MLLT10: variants seen among roughly 807,000 people sequenced by gnomAD.
MLLT10 encodes the protein protein AF-10.
A neutral mutation model predicts 129.1 loss-of-function variants in MLLT10; 30 were observed. That is an observed-to-expected ratio of 0.23 (90% CI 0.17 to 0.32). The LOEUF is 0.32. Ranked by LOEUF, MLLT10 falls within the 10% of genes least tolerant of loss-of-function variation. MLLT10 has a pLI of 1.00. For synonymous variants in MLLT10, 490 were observed against 446.4 expected (o/e 1.10, Z -1.23); for missense variants, 1,119 against 1,268.3 (o/e 0.88, Z 1.79).
At chr10:21,582,049 T>C (rs1026711457) in intron 3 of MLLT10, among the ~76,000 whole-genome samples, 2 of 152,226 alleles carry the variant, frequency 1.3e-5, no homozygotes, top group Non-Finnish European at 2.9e-5. Flanking sequence ...TGGTTGTTGT[T>C]ATGCAGACTG....
intron 13 of MLLT10, among the ~76,000 whole-genome samples, chr10:21,704,744 T>C (rs548558326): frequency 2.0e-5 from 3 of 152,234 alleles, no homozygotes; most frequent in Admixed American, 2.0e-4. Context: ...GATATATCTA[T>C]GGTGTTGCTT....
intron 9 of MLLT10, among the ~76,000 whole-genome samples, chr10:21,666,999 T>G (rs1229076572): frequency 6.6e-6 from 1 of 152,190 alleles, no homozygotes; most frequent in Admixed American, 6.5e-5. Flanking sequence ...TAGCATTTAT[T>G]GTAGTGTTGG....
intron 3 of MLLT10, among the ~76,000 whole-genome samples, chr10:21,555,602 T>C (rs1291189156): frequency 2.0e-5 from 3 of 152,196 alleles, no homozygotes; most frequent in African/African-American, 7.2e-5. Flanking sequence ...TTGTACTGTT[T>C]TGGCCTGTCT....
At chr10:21,695,963 T>C (rs2054321163) in intron 13 of MLLT10, among the ~76,000 whole-genome samples, 1 of 150,836 alleles carries the variant, frequency 6.6e-6, no homozygotes, top group African/African-American at 2.4e-5. Context: ...TTTTTTTTTT[T>C]TTTTTTAAGT....
intron 11 of MLLT10, 114 bp from the exon 12 acceptor site, chr10:21,681,218 T>G: frequency 7.4e-7 from 1 of 1,347,532 alleles, no homozygotes; most frequent in Non-Finnish European, 1.0e-6. Flanking sequence ...CTAGGTGGCC[T>G]ACTTAACTAC....
intron 13 of MLLT10, among the ~76,000 whole-genome samples, chr10:21,710,711 G>T (rs1348515445): frequency 6.6e-6 from 1 of 152,168 alleles, no homozygotes; most frequent in Non-Finnish European, 1.5e-5. Flanking sequence ...GTATTAGGAA[G>T]TGATTTCATT....
intron 5 of MLLT10, among the ~76,000 whole-genome samples, chr10:21,606,510 G>A (rs1339647044): frequency 6.6e-6 from 1 of 152,176 alleles, no homozygotes; most frequent in African/African-American, 2.4e-5. Flanking sequence ...GAACATTTGT[G>A]TTTTGTGGGA....
intron 2 of MLLT10, among the ~76,000 whole-genome samples, chr10:21,536,277 C>T (rs747724264): frequency 3.3e-5 from 5 of 152,092 alleles, no homozygotes; most frequent in Non-Finnish European, 7.4e-5. Flanking sequence ...GCATGTCTTG[C>T]TTTTTTAGGG....
chr10:21,534,121 A>AG (rs2033309290), upstream of MLLT10: 1 of 272,900 alleles, frequency 3.7e-6, no homozygotes, highest in African/African-American at 2.2e-5. Context: ...GGCGCGGGGG[A>AG]GGGGGACGGG....
intron 13 of MLLT10, among the ~76,000 whole-genome samples, chr10:21,690,500 G>A (rs1056700018): frequency 6.6e-6 from 1 of 152,038 alleles, no homozygotes; most frequent in Non-Finnish European, 1.5e-5. Context: ...TCTTTTTAGT[G>A]TACTTCAGAA....
chr10:21,648,272 G>C (rs561835182), intron 8 of MLLT10, among the ~76,000 whole-genome samples: 1 of 152,178 alleles, frequency 6.6e-6, no homozygotes, highest in Admixed American at 6.5e-5. Context: ...GTGTGTTCCA[G>C]TGAACACTTG....
intron 3 of MLLT10, among the ~76,000 whole-genome samples, chr10:21,579,763 A>G (rs181415996): frequency 1.1e-3 from 174 of 151,584 alleles, no homozygotes; most frequent in African/African-American, 3.6e-3. Context: ...GGGTTTCTCC[A>G]TGTTGGTCAG....
At chr10:21,719,828 G>A (rs2057003345) in intron 14 of MLLT10, among the ~76,000 whole-genome samples, 1 of 152,154 alleles carries the variant, frequency 6.6e-6, no homozygotes, top group South Asian at 2.1e-4. Flanking sequence ...TTACTCTTCA[G>A]CCTAATTACC....
chr10:21,651,128 G>A (rs1476094842), intron 8 of MLLT10, among the ~76,000 whole-genome samples: 3 of 152,146 alleles, frequency 2.0e-5, no homozygotes, highest in African/African-American at 7.2e-5. Context: ...CTCGGGTGCA[G>A]TGGAACGATC....
intron 11 of MLLT10, among the ~76,000 whole-genome samples, chr10:21,676,961 A>G (rs2052229105): frequency 6.6e-6 from 1 of 152,228 alleles, no homozygotes; most frequent in African/African-American, 2.4e-5. Context: ...TAGTAAGTTA[A>G]GAATTGCTAA....
chr10:21,673,596 T>C lies in MLLT10; in HGVS notation c.1298T>C (p.Phe433Ser), dbSNP rs1274551161. Reference protein sequence around the residue: ...TSAVTSQPKSFENSPGDLGNS... With the variant: ...TSAVTSQPKSSENSPGDLGNS... ...GCTGTTACTTCACAGCCTAAAAGCT[T>C]TGAAAATTCACCTGGAGATTTGGGT... Residue 433 changes from phenylalanine to serine, a missense_variant, in exon 11 of 23, where the codon TTT becomes TCT. Phe to Ser is a radical substitution (Grantham distance 155). Around this residue, in one of 5 missense-constraint regions of MLLT10, gnomAD observed 1,004 missense variants for 1,008.7 expected, o/e 1.00. Transcript: ENST00000307729. 3.1e-6 allele frequency: 5 copies of C among 1,613,254 alleles called. No homozygotes were observed. The African/African-American group carries it at 5.3e-5, about 17-fold the overall frequency.
At chr10:21,680,978 G>A (rs2052681926) in intron 11 of MLLT10, among the ~76,000 whole-genome samples, 1 of 151,650 alleles carries the variant, frequency 6.6e-6, no homozygotes, top group South Asian at 2.1e-4. Flanking sequence ...AAGATCTAAA[G>A]CACATTAATG....
At chr10:21,662,125 G>C (rs2050273361) in intron 9 of MLLT10, among the ~76,000 whole-genome samples, 1 of 151,944 alleles carries the variant, frequency 6.6e-6, no homozygotes, top group Admixed American at 6.6e-5. Context: ...GTGTGGGTAA[G>C]GTGTTTTCTT....
intron 5 of MLLT10, among the ~76,000 whole-genome samples, chr10:21,597,488 G>A (rs2043131185): frequency 6.6e-6 from 1 of 152,118 alleles, no homozygotes; most frequent in African/African-American, 2.4e-5. Flanking sequence ...TTGTGCCTCA[G>A]CGTCCCGAGT....
Sources: gnomAD v4.1 joint callset for allele counts (sites outside exome capture counted in the v4.1 genomes callset) on GRCh38, gnomAD v4.1.1 for gene constraint, gnomAD v4.1.1 regional missense constraint, MANE v1.5 for transcripts, NCBI Gene and HGNC (gene_info 2026-07-23, HGNC 2026-07-21) for gene names.